ANO3: variants seen among roughly 807,000 people sequenced by gnomAD.
ANO3 encodes anoctamin-3.
A neutral mutation model predicts 144.8 loss-of-function variants in ANO3; 99 were observed. That is an observed-to-expected ratio of 0.68 (90% confidence interval 0.58 to 0.81). The LOEUF is 0.81. Ranked by LOEUF, ANO3 falls within the 30% of genes least tolerant of loss-of-function variation. ANO3 has a pLI of 0.00. For synonymous variants in ANO3, 414 were observed against 392.6 expected, an observed-to-expected ratio of 1.05 and a Z score of -0.64; for missense variants, 905 against 1,202.2, an observed-to-expected ratio of 0.75 and a Z score of 3.66.
At chr11:26,288,640 T>G (rs1853863912) in intron 1 of ANO3, among the ~76,000 whole-genome samples, 1 of 152,164 alleles carries the variant, frequency 6.6e-6, no homozygotes, top group Non-Finnish European at 1.5e-5. Flanking sequence ...GGCCATTATG[T>G]GTCTGGAGCA....
intron 1 of ANO3, among the ~76,000 whole-genome samples, chr11:26,341,720 C>T (rs1383260998): frequency 6.6e-6 from 1 of 152,120 alleles, no homozygotes; most frequent in Non-Finnish European, 1.5e-5. Context: ...TGGATCAGTC[C>T]GAGTCCCAAA....
chr11:26,430,574 T>A (rs1481598832), intron 1 of ANO3, among the ~76,000 whole-genome samples: 1 of 151,950 alleles, frequency 6.6e-6, no homozygotes, highest in Non-Finnish European at 1.5e-5. Context: ...TTTTAATTCC[T>A]AACGCAAGAG....
intron 17 of ANO3, among the ~76,000 whole-genome samples, chr11:26,608,107 A>G (rs1010526396): frequency 1.3e-5 from 2 of 151,928 alleles, no homozygotes; most frequent in African/African-American, 4.8e-5. Flanking sequence ...TGACCCTTGG[A>G]TGGGGTTTTT....
intron 1 of ANO3, among the ~76,000 whole-genome samples, chr11:26,344,672 T>A (rs1329238047): frequency 6.6e-6 from 1 of 152,136 alleles, no homozygotes; most frequent in Non-Finnish European, 1.5e-5. Flanking sequence ...ACCAAAATAT[T>A]GTCTTTTTAA....
chr11:26,224,099 G>A (rs916424165), intron 1 of ANO3, among the ~76,000 whole-genome samples: 1 of 152,114 alleles, frequency 6.6e-6, no homozygotes, highest in Non-Finnish European at 1.5e-5. Context: ...GCCATCTCAA[G>A]GTCCTCCTGA....
chr11:26,549,699 T>A (rs1392782739), intron 12 of ANO3, among the ~76,000 whole-genome samples: 1 of 151,896 alleles, frequency 6.6e-6, no homozygotes, highest in Non-Finnish European at 1.5e-5. Context: ...TCTTACATAA[T>A]CAAATATGGC....
intron 12 of ANO3, among the ~76,000 whole-genome samples, chr11:26,552,281 T>C (rs2134227703): frequency 6.6e-6 from 1 of 151,980 alleles, no homozygotes; most frequent in East Asian, 1.9e-4. Flanking sequence ...ATACATCCCA[T>C]ACTTGAAATA....
chr11:26,195,429 G>GA (rs1237433840), intron 1 of ANO3, among the ~76,000 whole-genome samples: 1 of 152,080 alleles, frequency 6.6e-6, no homozygotes, highest in Non-Finnish European at 1.5e-5. Flanking sequence ...AAAGGAGCCA[G>GA]AAAAAAAGAC....
intron 6 of ANO3, among the ~76,000 whole-genome samples, chr11:26,523,123 AG>A (rs1487659002): frequency 6.6e-6 from 1 of 152,188 alleles, no homozygotes; most frequent in Non-Finnish European, 1.5e-5. Context: ...GAAATGAAGA[AG>A]GAACTTCCAA....
At chr11:26,578,329 AG>A (rs1851043406) in intron 14 of ANO3, among the ~76,000 whole-genome samples, 1 of 152,174 alleles carries the variant, frequency 6.6e-6, no homozygotes, top group Non-Finnish European at 1.5e-5. Flanking sequence ...ATGGTCCTAA[AG>A]CAGCAATGAG....
At chr11:26,256,213 C>T (rs555695643) in intron 1 of ANO3, among the ~76,000 whole-genome samples, 5 of 152,266 alleles carry the variant, frequency 3.3e-5, no homozygotes, top group Non-Finnish European at 7.4e-5. Context: ...TGTCTTAGCA[C>T]TTCAAGATTA....
chr11:26,204,081 TATGGA>T lies in ANO3; in HGVS notation c.154+14756_154+14760del, dbSNP rs373514635. Among the ~76,000 whole-genome samples the T allele has an allele frequency of 1.4e-3, 218 of 152,260 alleles. 2 individuals carry two copies. Among genetic ancestry groups the T allele is most frequent in the African/African-American group, 5.0e-3 (208 of 41,562 alleles). On this transcript the variant is annotated intron_variant, in intron 1 of 27. Transcript: ENST00000672621. ...GAGTGCCCAAATGCCATCTTTTTCT[TATGGA>T]ATGGTTTTTTTAGTGTTTTCTGGAG... is the stretch of plus-strand genomic sequence containing the variant.
At chr11:26,471,016 C>T (rs11029574) in intron 4 of ANO3, among the ~76,000 whole-genome samples, 38,041 of 151,886 alleles carry the variant, frequency 0.25, 5,076 homozygotes, top group South Asian at 0.38. Flanking sequence ...CTAATATGCA[C>T]TGATCACTTT....
At chr11:26,448,220 A>G (rs764661112) in intron 3 of ANO3, among the ~76,000 whole-genome samples, 40 of 149,750 alleles carry the variant, frequency 2.7e-4, no homozygotes, top group Non-Finnish European at 4.9e-4. Context: ...AATCGCTTGA[A>G]CCCAGGAGGC....
rs568709727 is a variant in ANO3 at position 26,579,379 on chromosome 11, C to A, written c.1448-18986C>A. On this transcript the variant is annotated intron_variant, in intron 14 of 26. Coordinates refer to ENST00000256737, the MANE Select transcript of ANO3 (RefSeq NM_031418.4). ...AGGTGTGTACACTCTGAGGAAGAAT[C>A]TTGATTTGTTCCTTGGCTCAAAAGT... 2.0e-5 allele frequency among the ~76,000 whole-genome samples: 3 copies of A among 152,272 alleles called. No individual in the cohort carries two copies. In the East Asian group the frequency reaches 5.8e-4, roughly 29 times the overall value.
At chr11:26,512,719 C>T (rs992073962) in intron 5 of ANO3, among the ~76,000 whole-genome samples, 1 of 152,154 alleles carries the variant, frequency 6.6e-6, no homozygotes, top group African/African-American at 2.4e-5. Context: ...TCTAAAGCAT[C>T]CCCTTACTTG....
intron 1 of ANO3, among the ~76,000 whole-genome samples, chr11:26,285,049 A>G (rs1853771602): frequency 6.6e-6 from 1 of 152,256 alleles, no homozygotes; most frequent in South Asian, 2.1e-4. Flanking sequence ...TTACTTCAGA[A>G]TTTCCACTAG....
In ANO3 at chr11:26,476,909, G is replaced by GTGTA. The variant is rs919318637; in HGVS notation, c.432+13764_432+13765insATGT. Reference sequence around the variant, plus strand: ...TAATTTTGTGTGTGTGTGTATGTGTGTGTGTGTGTGTGTGTGTGTGTGTGA... The same window carrying GTGTA: ...TAATTTTGTGTGTGTGTGTATGTGTGTGTATGTGTGTGTGTGTGTGTGTGTGTGA... On this transcript the variant is annotated intron_variant, in intron 4 of 26. Coordinates refer to ENST00000256737, the MANE Select transcript of ANO3 (RefSeq NM_031418.4). Among the ~76,000 whole-genome samples, 2 of 139,636 alleles carry GTGTA rather than the reference G, an allele frequency of 1.4e-5. 1 individual carries two copies. Among genetic ancestry groups the GTGTA allele is most frequent in the African/African-American group, 5.4e-5 (2 of 37,186 alleles). The allele number at this position is 139,636 out of a possible 152,430, so 91.6% of individuals were successfully genotyped here. A position where few individuals can be genotyped will look rare whatever the true frequency, so the allele number is the denominator to read the frequency against.
intron 4 of ANO3, among the ~76,000 whole-genome samples, chr11:26,476,868 G>C (rs1859993184): frequency 6.6e-6 from 1 of 151,056 alleles, no homozygotes; most frequent in South Asian, 2.1e-4. Flanking sequence ...CAAAAAAGCA[G>C]GCTAGAAAGC....
Sources: allele counts gnomAD v4.1 joint callset (sites outside exome capture counted in the v4.1 genomes callset), GRCh38; gene constraint gnomAD v4.1.1; transcripts MANE v1.5; gene names NCBI Gene and HGNC (gene_info 2026-07-23, HGNC 2026-07-21).